The following C7 variants were observed in gnomAD, a reference collection of about 807,000 sequenced individuals.
C7 encodes the protein complement component C7.
C7 carries 83 observed loss-of-function variants against 104.8 expected under a neutral mutation model. The ratio of observed to expected loss-of-function variants is 0.79; its 90% CI spans 0.66 to 0.95. C7 has a LOEUF of 0.95. Among genes scored for constraint, C7 ranks in the 40% least tolerant of loss-of-function variants. C7 has a pLI of 0.00. For synonymous variants in C7, 415 were observed against 360.6 expected, an observed-to-expected ratio of 1.15 and a Z score of -1.71; for missense variants, 1,070 against 1,011.2, an observed-to-expected ratio of 1.06 and a Z score of -0.79.
intron 14 of C7, 64 bp downstream of exon 14, chr5:40,964,937 A>T: frequency 6.4e-7 from 1 of 1,564,610 alleles, no homozygotes; most frequent in Non-Finnish European, 8.8e-7. Context: ...ATGAATCAAG[A>T]TAAATAACAC....
At chr5:40,956,955 C>G (rs986031710) in intron 10 of C7, among the ~76,000 whole-genome samples, 4 of 152,224 alleles carry the variant, frequency 2.6e-5, no homozygotes, top group African/African-American at 9.6e-5. Context: ...TCTCCATGTA[C>G]TTTTCCACAT....
At position 40,964,902 on chromosome 5, in the gene C7, A is replaced by G. The variant is rs377452679; in HGVS notation, c.1882+29A>G. 12 of 1,610,870 alleles carry G rather than the reference A, an allele frequency of 7.4e-6. No homozygotes were observed. The African/African-American group carries it at 1.6e-4, about 22-fold the overall frequency. Reference sequence around the variant, plus strand: ...AGTGGCGTCAGTTGTATATAATTTAAGATGAGAAAATTACGTGGAAGAGAA... The same window carrying G: ...AGTGGCGTCAGTTGTATATAATTTAGGATGAGAAAATTACGTGGAAGAGAA... On this transcript the variant is annotated intron_variant, in intron 14 of 17. Transcript: ENST00000313164.
In C7 at chr5:40,982,308, T is replaced by C. The variant is rs180955594; in HGVS notation, c.*735T>C. 1 of 151,824 alleles carries C rather than the reference T, an allele frequency of 6.6e-6. No homozygotes were observed. The highest frequency in any genetic ancestry group is 6.6e-5 in the Admixed American group (1 of 15,246). The allele number at this position is 151,824 out of a possible 1,614,324, so 9.4% of individuals were successfully genotyped here. ...ACAGGTGCCCGCCACCACGCCCAGCTAATTTTTGCATTTTTAGTAGAGATG... is the reference window on the plus strand; with the variant it reads ...ACAGGTGCCCGCCACCACGCCCAGCCAATTTTTGCATTTTTAGTAGAGATG... On this transcript the variant is annotated 3_prime_UTR_variant, in exon 18 of 18. Coordinates refer to ENST00000313164, the MANE Select transcript of C7 (RefSeq NM_000587.4).
In C7 at chr5:40,981,594, G is replaced by A. The variant is rs755374306; in HGVS notation, c.*21G>A. Reference sequence around the variant, plus strand: ...AGTAGGCTCCTGGAGGCCCTGGTCAGCTTGCTTGGAATCCAGCAGGCAGCT... The same window carrying A: ...AGTAGGCTCCTGGAGGCCCTGGTCAACTTGCTTGGAATCCAGCAGGCAGCT... On this transcript the variant is annotated 3_prime_UTR_variant, in exon 18 of 18. Transcript: ENST00000313164. The A allele has an allele frequency of 6.3e-7, 1 of 1,583,046 alleles. No homozygotes were observed. The highest frequency in any genetic ancestry group is 8.6e-7 in the Non-Finnish European group (1 of 1,160,544).
chr5:40,959,857 T>C (rs73750214), intron 12 of C7, among the ~76,000 whole-genome samples: 16,906 of 152,218 alleles, frequency 0.11, 1,183 homozygotes, highest in Non-Finnish European at 0.16. Context: ...GCTGAGTGGA[T>C]ACGATCATTC....
chr5:40,974,562 C>T (rs370984641), intron 15 of C7, among the ~76,000 whole-genome samples: 47 of 152,022 alleles, frequency 3.1e-4, no homozygotes, highest in Middle Eastern at 3.4e-3. Flanking sequence ...ACTACAGGTG[C>T]TCGCCACCAT....
At position 40,982,475 on chromosome 5, in the gene C7, A is replaced by T. The variant is rs1740971741; in HGVS notation, c.*902A>T. On this transcript the variant is annotated 3_prime_UTR_variant, in exon 18 of 18. Transcript: ENST00000313164. Reference sequence around the variant, plus strand: ...CTTACTCTTGTCGGGAGATTGAACCACTAAAATGTTAGAGCAGAATTCATT... The same window carrying T: ...CTTACTCTTGTCGGGAGATTGAACCTCTAAAATGTTAGAGCAGAATTCATT... 1.3e-5 allele frequency: 2 copies of T among 152,334 alleles called. No homozygotes were observed. The highest frequency in any genetic ancestry group is 2.1e-4 in the South Asian group (1 of 4,832). The allele number at this position is 152,334 out of a possible 1,614,324, so 9.4% of individuals were successfully genotyped here.
rs776356196 is a variant in C7 at position 40,959,482 on chromosome 5, C to T, written c.1523C>T (p.Ser508Phe). 9.9e-6 allele frequency: 16 copies of T among 1,611,228 alleles called. No individual in the cohort carries two copies. The highest frequency in any genetic ancestry group is 4.0e-4 in the Middle Eastern group (2 of 5,008). The change falls in exon 12 of 18, where the codon TCT becomes TTT. Residue 508 changes from serine to phenylalanine, a missense_variant. Ser to Phe is a radical substitution (Grantham distance 155, BLOSUM62 -2). Coordinates refer to ENST00000313164, the MANE Select transcript of C7 (RefSeq NM_000587.4). ...GATGGAGGTTGGAGTTGCTGGTCCT[C>T]TTGGAGCCCCTGTGTCCAAGGGAAG... ...GVDGGWSCWS[S>F]WSPCVQGKKT...
intron 1 of C7, among the ~76,000 whole-genome samples, chr5:40,926,540 G>T (rs1739557704): frequency 6.6e-6 from 1 of 152,150 alleles, no homozygotes; most frequent in Non-Finnish European, 1.5e-5. Context: ...CCAGAAAACT[G>T]TTAGAACTAA....
chr5:40,929,102 G>C (rs1320198466), intron 2 of C7, among the ~76,000 whole-genome samples: 1 of 152,152 alleles, frequency 6.6e-6, no homozygotes, highest in Non-Finnish European at 1.5e-5. Flanking sequence ...GTGTCAGATT[G>C]ATGAGACAGA....
rs76510879 is a variant in C7, at chr5:40,962,474, G to C, written c.1749+302G>C. On this transcript the variant is annotated intron_variant, in intron 13 of 17. Transcript: ENST00000313164. ...ACTGCCACCCTAAACACCAAACTGCGAATCTACAAGCTTGCTCTTTAACTC... is the reference window on the plus strand; with the variant it reads ...ACTGCCACCCTAAACACCAAACTGCCAATCTACAAGCTTGCTCTTTAACTC... Among the ~76,000 whole-genome samples the C allele has an allele frequency of 2.0e-5, 3 of 152,062 alleles. No homozygotes were observed. The East Asian group carries it at 5.8e-4, about 29-fold the overall frequency.
chr5:40,946,924 G>T (rs1379161717), intron 7 of C7, among the ~76,000 whole-genome samples: 1 of 151,612 alleles, frequency 6.6e-6, no homozygotes, highest in African/African-American at 2.4e-5. Flanking sequence ...CAGGCATGGT[G>T]GTGCATGCCT....
chr5:40,953,681 G>A (rs1447517104), intron 9 of C7, among the ~76,000 whole-genome samples: 2 of 148,250 alleles, frequency 1.3e-5, no homozygotes, highest in Admixed American at 6.7e-5. Context: ...GTGTTTGATA[G>A]CACAGTCAGG....
chr5:40,922,374 CAAAAAA>C (rs869109946), intron 1 of C7, among the ~76,000 whole-genome samples: 1,559 of 42,966 alleles, frequency 0.036, 19 homozygotes, highest in African/African-American at 0.084. Flanking sequence ...GACTCTGTCT[CAAAAAA>C]AAAAAAAAAA....
intron 15 of C7, among the ~76,000 whole-genome samples, chr5:40,975,517 C>A (rs986072292): frequency 1.3e-5 from 2 of 152,072 alleles, no homozygotes; most frequent in Non-Finnish European, 2.9e-5. Context: ...GCATGTGCCA[C>A]CATGCCCGGC....
At chr5:40,940,889 C>T (rs1042968468) in intron 6 of C7, among the ~76,000 whole-genome samples, 6 of 152,072 alleles carry the variant, frequency 3.9e-5, no homozygotes, top group African/African-American at 1.4e-4. Flanking sequence ...AAGTCTGGCT[C>T]CAAACCCCCT....
intron 10 of C7, 38 bp downstream of exon 10, chr5:40,955,591 A>G: frequency 6.3e-7 from 1 of 1,577,048 alleles, no homozygotes; most frequent in Non-Finnish European, 8.6e-7. Flanking sequence ...GGAAGCAGTC[A>G]TGTTTATTTG....
At chr5:40,923,222 A>C (rs1450281442) in intron 1 of C7, among the ~76,000 whole-genome samples, 3 of 152,208 alleles carry the variant, frequency 2.0e-5, no homozygotes, top group African/African-American at 7.2e-5. Flanking sequence ...TATATGAAAA[A>C]ATGCTCAATA....
intron 16 of C7, among the ~76,000 whole-genome samples, chr5:40,979,463 T>C (rs931671280): frequency 2.6e-5 from 4 of 152,160 alleles, no homozygotes; most frequent in Non-Finnish European, 5.9e-5. Flanking sequence ...TGGTCTGTTC[T>C]AGATAGAACT....
Sources: allele counts gnomAD v4.1 joint callset (sites outside exome capture counted in the v4.1 genomes callset), GRCh38; gene constraint gnomAD v4.1.1; transcripts MANE v1.5; gene names NCBI Gene and HGNC (gene_info 2026-07-23, HGNC 2026-07-21).